Variants in CDH13 observed in about 807,000 individuals in gnomAD.
CDH13 encodes the protein cadherin 13.
A neutral mutation model predicts 63.8 loss-of-function variants in CDH13; 24 were observed. That is an observed-to-expected ratio of 0.38 (90% CI 0.27 to 0.53). The LOEUF is 0.53. Among genes scored for constraint, CDH13 ranks in the 20% least tolerant of loss-of-function variants. The pLI is 0.85. For synonymous variants in CDH13, 503 were observed against 355.3 expected (o/e 1.42, Z -4.67); for missense variants, 1,049 against 903.1 (o/e 1.16, Z -2.07).
intron 1 of CDH13, among the ~76,000 whole-genome samples, chr16:82,662,199 C>G (rs969821655): frequency 1.4e-5 from 2 of 139,538 alleles, no homozygotes; most frequent in African/African-American, 5.1e-5. Flanking sequence ...AAACAAGTTA[C>G]AAAACTTTAT....
chr16:83,149,113 C>G (rs1257951171), intron 4 of CDH13, among the ~76,000 whole-genome samples: 2 of 152,118 alleles, frequency 1.3e-5, no homozygotes, highest in African/African-American at 4.8e-5. Flanking sequence ...CATGTTACTC[C>G]AAGATACAGT....
chr16:83,125,319 C>A, intron 3 of CDH13, 66 bp from the exon 4 acceptor site: 1 of 868,682 alleles, frequency 1.2e-6, no homozygotes, highest in Non-Finnish European at 1.9e-6. Context: ...GGAACTCTAT[C>A]TCGGAGCAGA....
intron 6 of CDH13, among the ~76,000 whole-genome samples, chr16:83,442,393 G>A (rs947797635): frequency 1.3e-5 from 2 of 152,146 alleles, no homozygotes; most frequent in Non-Finnish European, 2.9e-5. Flanking sequence ...TACCAGTCTG[G>A]TGATTCAGCC....
chr16:82,904,636 A>G (rs1238315317), intron 2 of CDH13, among the ~76,000 whole-genome samples: 1 of 152,190 alleles, frequency 6.6e-6, no homozygotes, highest in African/African-American at 2.4e-5. Flanking sequence ...TACATGTGCA[A>G]TTCAAGATAC....
At chr16:83,059,141 T>G (rs564470513) in intron 3 of CDH13, among the ~76,000 whole-genome samples, 4 of 152,264 alleles carry the variant, frequency 2.6e-5, no homozygotes, top group South Asian at 2.1e-4. Context: ...AAAGAGCATT[T>G]CTGAGGTTGC....
intron 6 of CDH13, among the ~76,000 whole-genome samples, chr16:83,363,705 G>T (rs1028557857): frequency 6.6e-6 from 1 of 152,194 alleles, no homozygotes; most frequent in Non-Finnish European, 1.5e-5. Context: ...TGAGCAGGAT[G>T]TTCCGTCAGC....
chr16:83,473,902 G>C lies in CDH13; in HGVS notation c.782-12575G>C, dbSNP rs539425694. 2.6e-5 allele frequency among the ~76,000 whole-genome samples: 4 copies of C among 152,246 alleles called. No homozygotes were observed. In the South Asian group the frequency reaches 8.3e-4, roughly 32 times the overall value. On this transcript the variant is annotated intron_variant, in intron 6 of 13. Coordinates refer to ENST00000567109, the MANE Select transcript of CDH13 (RefSeq NM_001257.5). ...ATGGGCTAATGACACCTGCCTCATA[G>C]GGTTTGTGGGATGATTAAATGCTTG... is the stretch of plus-strand genomic sequence containing the variant.
intron 4 of CDH13, among the ~76,000 whole-genome samples, chr16:83,155,066 G>A (rs1027213348): frequency 2.0e-5 from 3 of 152,208 alleles, no homozygotes; most frequent in African/African-American, 7.2e-5. Context: ...TTAGAAGGAA[G>A]AAAACCACTT....
chr16:83,432,691 C>T (rs1480905265), intron 6 of CDH13, among the ~76,000 whole-genome samples: 2 of 152,172 alleles, frequency 1.3e-5, no homozygotes, highest in Admixed American at 6.6e-5. Context: ...ATGTCATGAG[C>T]TTCCCCAAAG....
chr16:83,707,355 C>A (rs1205211260), intron 10 of CDH13, among the ~76,000 whole-genome samples: 1 of 152,160 alleles, frequency 6.6e-6, no homozygotes, highest in African/African-American at 2.4e-5. Context: ...TTATTACCTC[C>A]TTCTTTGTCT....
At chr16:83,688,078 G>T (rs1223433134) in intron 10 of CDH13, among the ~76,000 whole-genome samples, 1 of 152,142 alleles carries the variant, frequency 6.6e-6, no homozygotes, top group Admixed American at 6.5e-5. Context: ...AGCCCCAAAA[G>T]ATTTGTTAAA....
chr16:83,493,469 A>G (rs1201866308), intron 7 of CDH13, among the ~76,000 whole-genome samples: 1 of 152,202 alleles, frequency 6.6e-6, no homozygotes, highest in Non-Finnish European at 1.5e-5. Flanking sequence ...GGTAAAGCAG[A>G]TATGTCGACA....
At chr16:83,319,049 G>A (rs912602582) in intron 5 of CDH13, among the ~76,000 whole-genome samples, 5 of 150,928 alleles carry the variant, frequency 3.3e-5, no homozygotes, top group Non-Finnish European at 4.4e-5. Context: ...ACATAGACAC[G>A]CAGTAAAATA....
chr16:83,188,875 G>T (rs1310999785), intron 4 of CDH13, among the ~76,000 whole-genome samples: 1 of 152,092 alleles, frequency 6.6e-6, no homozygotes, highest in Non-Finnish European at 1.5e-5. Flanking sequence ...TAGTCGGGGT[G>T]AGTTTTCACA....
intron 5 of CDH13, among the ~76,000 whole-genome samples, chr16:83,232,611 C>A (rs970863199): frequency 5.3e-5 from 8 of 151,830 alleles, no homozygotes; most frequent in Admixed American, 4.6e-4. Context: ...CTTGCCTTTG[C>A]CATGTTATAC....
chr16:82,966,087 C>T (rs1207203428), intron 2 of CDH13, among the ~76,000 whole-genome samples: 6 of 152,214 alleles, frequency 3.9e-5, no homozygotes, highest in East Asian at 1.9e-4. Flanking sequence ...AAATTTTCCT[C>T]ATAGTAACTA....
chr16:83,073,038 T>A (rs1382199203), intron 3 of CDH13, among the ~76,000 whole-genome samples: 1 of 152,214 alleles, frequency 6.6e-6, no homozygotes, highest in Non-Finnish European at 1.5e-5. Flanking sequence ...GAAGGTGTCC[T>A]AAGTGCTTGT....
At chr16:83,406,686 G>C (rs1202371150) in intron 6 of CDH13, among the ~76,000 whole-genome samples, 2 of 152,074 alleles carry the variant, frequency 1.3e-5, no homozygotes, top group Non-Finnish European at 2.9e-5. Flanking sequence ...AGCTGGTCTT[G>C]AACTCCTGAC....
chr16:83,575,230 T>C (rs746571369), intron 7 of CDH13, among the ~76,000 whole-genome samples: 1 of 152,236 alleles, frequency 6.6e-6, no homozygotes, highest in Non-Finnish European at 1.5e-5. Flanking sequence ...ATTATGGTGA[T>C]GGTGATGGTT....
Sources: gnomAD v4.1 joint callset for allele counts (sites outside exome capture counted in the v4.1 genomes callset) on GRCh38, gnomAD v4.1.1 for gene constraint, MANE v1.5 for transcripts, NCBI Gene and HGNC (gene_info 2026-07-23, HGNC 2026-07-21) for gene names.